The following SKA3 variants were observed in gnomAD, a reference collection of about 807,000 sequenced individuals.
SKA3 encodes spindle and kinetochore associated complex subunit 3, also known as spindle and kinetochore-associated protein 3.
In SKA3, 39 loss-of-function variants were observed where a neutral mutation model predicts 44.2. That is an observed-to-expected ratio of 0.88 (90% CI 0.68 to 1.15). The LOEUF (loss-of-function observed/expected upper bound fraction) is 1.15, where lower values mean the gene tolerates loss of function less well. Ranked by LOEUF, SKA3 falls within the 50% of genes most tolerant of loss-of-function variation. The pLI is 0.00. For missense variants in SKA3, 511 were observed against 485.8 expected, an observed-to-expected ratio of 1.05 and a Z score of -0.49; for synonymous variants, 192 against 172.0, an observed-to-expected ratio of 1.12 and a Z score of -0.91.
chr13:21,161,676 A>G, intron 5 of SKA3, 114 bp downstream of exon 5: 1 of 539,798 alleles, frequency 1.9e-6, no homozygotes, highest in Non-Finnish European at 2.9e-6. Flanking sequence ...ATCCAATGTT[A>G]GGAATTAAAC....
intron 1 of SKA3, among the ~76,000 whole-genome samples, chr13:21,173,268 T>G (rs1871178168): frequency 6.6e-6 from 1 of 152,158 alleles, no homozygotes; most frequent in South Asian, 2.1e-4. Context: ...TTCTTTTTCT[T>G]TTTTTGAGAT....
In SKA3 at chr13:21,161,864, A is replaced by C; in HGVS notation, c.755T>G (p.Ile252Arg). ...NARNNKSEEA[I>R]DTESRLNDNV... ...ATCATTGAGCCTGGATTCTGTATCT[A>C]TGGCCTCCTCACTGGTGTGATTCAT... The change falls in exon 5 of 9, where the codon ATA becomes AGA. Residue 252 changes from isoleucine to arginine, a missense_variant. Ile to Arg is a moderately conservative substitution (Grantham distance 97, BLOSUM62 -3). Transcript: ENST00000314759. 6.2e-7 allele frequency: 1 copy of C among 1,610,436 alleles called. No homozygotes were observed. Among genetic ancestry groups the C allele is most frequent in the Non-Finnish European group, 8.5e-7 (1 of 1,177,662 alleles).
chr13:21,175,478 G>A (rs12430927), intron 1 of SKA3, among the ~76,000 whole-genome samples: 2 of 151,510 alleles, frequency 1.3e-5, no homozygotes, highest in Admixed American at 1.3e-4. Flanking sequence ...GGGTTTCACC[G>A]TGTTAGCCAG....
In SKA3 at chr13:21,159,897, G is replaced by T. The variant is rs1870338044; in HGVS notation, c.915+5C>A. The T allele has an allele frequency of 3.8e-6, 6 of 1,597,238 alleles. No homozygotes were observed. Among genetic ancestry groups the T allele is most frequent in the Non-Finnish European group, 5.1e-6 (6 of 1,173,218 alleles). On this transcript the variant is annotated splice_donor_5th_base_variant and intron_variant, in intron 6 of 8. Transcript: ENST00000314759. ...ACTGTGGCTTTCAATTTTATGGAAAGTTACCAAAGCTATGCTGTTCTTTGT... is the reference window on the plus strand; with the variant it reads ...ACTGTGGCTTTCAATTTTATGGAAATTTACCAAAGCTATGCTGTTCTTTGT...
chr13:21,166,101 T>A (rs1009341595), intron 4 of SKA3, among the ~76,000 whole-genome samples: 7 of 151,670 alleles, frequency 4.6e-5, no homozygotes, highest in Admixed American at 4.6e-4. Context: ...TACTGCAACC[T>A]CTGCCTCCTG....
intron 4 of SKA3, among the ~76,000 whole-genome samples, chr13:21,164,442 T>C (rs1174763094): frequency 2.0e-5 from 3 of 152,212 alleles, no homozygotes; most frequent in African/African-American, 7.2e-5. Flanking sequence ...AAAATAGTCA[T>C]TTACCTAGGT....
In SKA3 at chr13:21,155,798, T is replaced by TATTTTG; in HGVS notation, c.1127_1132dup (p.Ser376_Lys377dup). 6.4e-7 allele frequency: 1 copy of TATTTTG among 1,559,728 alleles called. No individual in the cohort carries two copies. The highest frequency in any genetic ancestry group is 8.7e-7 in the Non-Finnish European group (1 of 1,146,166). On this transcript the variant is annotated inframe_insertion, in exon 8 of 9. Coordinates refer to ENST00000314759, the MANE Select transcript of SKA3 (RefSeq NM_145061.6). Reference sequence around the variant, plus strand: ...TATTGGAGTAGCTAGGTTTGAGTTGTATTTTGATAAAAGCTAAAAAAAAAA... The same window carrying TATTTTG: ...TATTGGAGTAGCTAGGTTTGAGTTGTATTTTGATTTTGATAAAAGCTAAAAAAAAAA...
At chr13:21,158,275 C>T in intron 6 of SKA3, 150 bp from the exon 7 acceptor site, 1 of 591,662 alleles carries the variant, frequency 1.7e-6, no homozygotes, top group East Asian at 2.8e-5. Context: ...AAATCAAGAA[C>T]AAATGGCATA....
intron 6 of SKA3, among the ~76,000 whole-genome samples, chr13:21,159,433 T>C (rs1044528962): frequency 6.6e-6 from 1 of 152,190 alleles, no homozygotes; most frequent in Admixed American, 6.5e-5. Flanking sequence ...TATGTGTATA[T>C]ATATGTGTGT....
intron 5 of SKA3, among the ~76,000 whole-genome samples, chr13:21,161,256 T>C (rs1162162100): frequency 6.6e-6 from 1 of 152,132 alleles, no homozygotes; most frequent in Middle Eastern, 3.2e-3. Flanking sequence ...GGCAACAGAG[T>C]GAGACCCTGT....
intron 4 of SKA3, among the ~76,000 whole-genome samples, chr13:21,163,145 A>G (rs1870527215): frequency 6.6e-6 from 1 of 152,106 alleles, no homozygotes; most frequent in Admixed American, 6.6e-5. Context: ...CAGCTTATTT[A>G]TAATAGGGGA....
intron 1 of SKA3, among the ~76,000 whole-genome samples, chr13:21,173,972 A>C (rs1595307927): frequency 6.6e-6 from 1 of 152,236 alleles, no homozygotes; most frequent in South Asian, 2.1e-4. Context: ...GCAGTGCATA[A>C]GAAGTGCATT....
chr13:21,174,287 C>T (rs936154050), intron 1 of SKA3, among the ~76,000 whole-genome samples: 3 of 152,190 alleles, frequency 2.0e-5, no homozygotes, highest in African/African-American at 7.2e-5. Flanking sequence ...GACACATGCA[C>T]ACTTATGTTT....
At chr13:21,164,193 A>C (rs1003489962) in intron 4 of SKA3, among the ~76,000 whole-genome samples, 1 of 152,156 alleles carries the variant, frequency 6.6e-6, no homozygotes, top group Non-Finnish European at 1.5e-5. Context: ...TATATTTATC[A>C]TGTTATAACA....
At chr13:21,165,729 G>T (rs1418343509) in intron 4 of SKA3, among the ~76,000 whole-genome samples, 1 of 152,096 alleles carries the variant, frequency 6.6e-6, no homozygotes, top group Non-Finnish European at 1.5e-5. Flanking sequence ...GAGCCCAGGA[G>T]TTCAAGAGCA....
chr13:21,159,210 T>C (rs557250031), intron 6 of SKA3, among the ~76,000 whole-genome samples: 6 of 152,232 alleles, frequency 3.9e-5, no homozygotes, highest in Admixed American at 6.5e-5. Flanking sequence ...TCCATCATTA[T>C]AGAAAATTCT....
intron 5 of SKA3, among the ~76,000 whole-genome samples, chr13:21,160,549 T>C (rs1482131129): frequency 6.6e-6 from 1 of 151,814 alleles, no homozygotes; most frequent in Non-Finnish European, 1.5e-5. Context: ...AGAAAAACAA[T>C]CTGACTGGCA....
At chr13:21,156,121 A>C (rs901418074) in intron 7 of SKA3, among the ~76,000 whole-genome samples, 2 of 144,314 alleles carry the variant, frequency 1.4e-5, no homozygotes, top group East Asian at 4.5e-4. Flanking sequence ...CCAGAGGCGG[A>C]GGTTGCAGTG....
intron 1 of SKA3, among the ~76,000 whole-genome samples, chr13:21,173,582 G>A (rs1452856110): frequency 6.6e-6 from 1 of 151,004 alleles, no homozygotes; most frequent in Admixed American, 6.7e-5. Context: ...CTAACGCCAT[G>A]AAGTAGTTTT....
Sources: gnomAD v4.1 joint callset for allele counts (sites outside exome capture counted in the v4.1 genomes callset) on GRCh38, gnomAD v4.1.1 for gene constraint, MANE v1.5 for transcripts, NCBI Gene and HGNC (gene_info 2026-07-23, HGNC 2026-07-21) for gene names.